Variants in ERMAP observed in about 807,000 individuals in gnomAD.
ERMAP encodes erythroid membrane-associated protein.
In ERMAP, 34 loss-of-function variants were observed where a neutral mutation model predicts 49.5. The ratio of observed to expected loss-of-function variants is 0.69; its 90% CI spans 0.52 to 0.91. The LOEUF (loss-of-function observed/expected upper bound fraction) is 0.91, where lower values mean the gene tolerates loss of function less well. Ranked by LOEUF, ERMAP falls within the 40% of genes least tolerant of loss-of-function variation. ERMAP has a pLI of 0.00. For missense variants in ERMAP, 541 were observed against 582.6 expected, an observed-to-expected ratio of 0.93 and a Z score of 0.74; for synonymous variants, 214 against 232.2, an observed-to-expected ratio of 0.92 and a Z score of 0.71.
Position 42,843,097 on chromosome 1 carries a change from T to A in ERMAP, c.1293T>A (p.His431Gln), listed in dbSNP as rs745596105. The A allele has an allele frequency of 2.0e-5, 32 of 1,614,220 alleles. No homozygotes were observed. Among genetic ancestry groups the A allele is most frequent in the Non-Finnish European group, 2.7e-5 (32 of 1,180,040 alleles). Residue 431 changes from histidine to glutamine, a missense_variant, in exon 12 of 12, where the codon CAT becomes CAA. By Grantham distance (24) the His-to-Gln change is conservative. Transcript: ENST00000372517. ...SIVPRPEGKGHANGDVSLKVN... is the reference protein window; with the variant it reads ...SIVPRPEGKGQANGDVSLKVN... ...TCCCCAGGCCAGAAGGGAAAGGCCA[T>A]GCTAATGGAGATGTGTCCCTCAAGG...
chr1:42,835,259 T>C (rs1460068188), intron 5 of ERMAP, 105 bp downstream of exon 5: 3 of 714,474 alleles, frequency 4.2e-6, no homozygotes, highest in South Asian at 3.2e-5. Flanking sequence ...TCTCCATAGG[T>C]TGGGGACACT....
At chr1:42,836,900 A>AT (rs916283827) in intron 6 of ERMAP, 11 of 297,462 alleles carry the variant, frequency 3.7e-5, no homozygotes, top group South Asian at 9.6e-5. Context: ...AGGGTGGCAG[A>AT]TTTAAAAAAA....
Position 42,842,543 on chromosome 1 carries a change from G to A in ERMAP, c.739G>A (p.Ala247Thr), listed in dbSNP as rs960117873. 2 of 1,613,846 alleles carry A rather than the reference G, an allele frequency of 1.2e-6. No homozygotes were observed. Among genetic ancestry groups the A allele is most frequent in the Admixed American group, 1.7e-5 (1 of 60,000 alleles). The change falls in exon 12 of 12, where the codon GCA becomes ACA. Residue 247 changes from alanine to threonine, a missense_variant. By Grantham distance (58) the Ala-to-Thr change is moderately conservative. Coordinates refer to ENST00000372517, the MANE Select transcript of ERMAP (RefSeq NM_001017922.2). ...FVAVTLDPDTAHPKLILSEDQ... is the reference protein window; with the variant it reads ...FVAVTLDPDTTHPKLILSEDQ... Reference sequence around the variant, plus strand: ...GGCAGTGACCCTGGACCCAGACACAGCACATCCCAAACTCATCCTTTCTGA... The same window carrying A: ...GGCAGTGACCCTGGACCCAGACACAACACATCCCAAACTCATCCTTTCTGA...
chr1:42,831,873 A>G (rs1375049414), intron 4 of ERMAP, among the ~76,000 whole-genome samples: 7 of 152,058 alleles, frequency 4.6e-5, no homozygotes, highest in African/African-American at 1.7e-4. Flanking sequence ...CACTGCACCC[A>G]GTTGAGAGTG....
intron 2 of ERMAP, 49 bp downstream of exon 2, chr1:42,825,787 A>G: frequency 7.8e-7 from 1 of 1,288,136 alleles, no homozygotes; most frequent in African/African-American, 1.5e-5. Flanking sequence ...TAACTTTCTC[A>G]GGATCCTCAG....
rs879558428 is a variant in ERMAP at position 42,844,955 on chromosome 1, A to G, written c.*1723A>G. On this transcript the variant is annotated 3_prime_UTR_variant, in exon 12 of 12. Transcript: ENST00000372517. This position sits in a 1 kb window ranked among gnomAD's most constrained non-coding sequence, Gnocchi z 4.0. ...AGTGGAATTTTTTGTTTGCTTTTGT[A>G]CAGTTTTAAAATAAAAGTTTGGTAT... 6.6e-6 allele frequency: 1 copy of G among 152,200 alleles called. No homozygotes were observed. The highest frequency in any genetic ancestry group is 1.5e-5 in the Non-Finnish European group (1 of 68,026). The allele number at this position is 152,200 out of a possible 1,614,324, so 9.4% of individuals were successfully genotyped here.
intron 2 of ERMAP, 162 bp downstream of exon 2, chr1:42,825,900 A>G (rs1654531597): frequency 3.6e-6 from 3 of 833,000 alleles, no homozygotes; most frequent in South Asian, 3.5e-5. Context: ...AAAAGGAGAC[A>G]AGTGACAAGA....
At chr1:42,822,364 A>G (rs1211071976) in intron 1 of ERMAP, among the ~76,000 whole-genome samples, 1 of 152,002 alleles carries the variant, frequency 6.6e-6, no homozygotes, top group African/African-American at 2.4e-5. Flanking sequence ...TTGTATTTTT[A>G]GTAGAGACAG....
chr1:42,834,342 G>A (rs755544331), intron 4 of ERMAP, among the ~76,000 whole-genome samples: 100 of 152,224 alleles, frequency 6.6e-4, no homozygotes, highest in Admixed American at 2.4e-3. Flanking sequence ...GCAGAGTGAG[G>A]ATTGACAGGG....
chr1:42,842,478 C>CT, intron 11 of ERMAP, 39 bp from the exon 12 acceptor site: 1 of 1,565,744 alleles, frequency 6.4e-7, no homozygotes, highest in Non-Finnish European at 8.7e-7. Context: ...CCCTTAAGAC[C>CT]TATACTTCCA....
chr1:42,818,214 G>A (rs144406833), intron 1 of ERMAP, among the ~76,000 whole-genome samples: 1 of 152,316 alleles, frequency 6.6e-6, no homozygotes, highest in African/African-American at 2.4e-5. Flanking sequence ...ACTGTAAATC[G>A]TTAACAGCCT....
Position 42,843,227 on chromosome 1 carries a change from T to C in ERMAP, c.1423T>C (p.Phe475Leu). 1 of 1,575,942 alleles carries C rather than the reference T, an allele frequency of 6.3e-7. No homozygotes were observed. Among genetic ancestry groups the C allele is most frequent in the Non-Finnish European group, 8.6e-7 (1 of 1,164,148 alleles). Reference protein sequence around the residue: ...PALQELKAPSF With the variant: ...PALQELKAPSL ...CCTTCAGGAGCTCAAGGCTCCTTCT[T>C]TTTAGGGATATGCCACATTACCTGC... The change falls in exon 12 of 12, where the codon TTT becomes CTT. Residue 475 changes from phenylalanine to leucine, a missense_variant. By Grantham distance (22) the Phe-to-Leu change is conservative. Transcript: ENST00000372517.
Position 42,819,761 on chromosome 1 carries a change from G to A in ERMAP, c.-122+2508G>A. ...GATGTGAACCAGGTCATTTACCAGT[G>A]TCTTTTTTTTTTTTCTTGGCAGCAT... On this transcript the variant is annotated intron_variant, in intron 1 of 11. Coordinates refer to ENST00000372517, the MANE Select transcript of ERMAP (RefSeq NM_001017922.2). This position sits in a 1 kb window ranked among gnomAD's most constrained non-coding sequence, Gnocchi z 5.1. Among the ~76,000 whole-genome samples, 1 of 150,444 alleles carries A rather than the reference G, an allele frequency of 6.6e-6. No homozygotes were observed. The highest frequency in any genetic ancestry group is 1.9e-4 in the East Asian group (1 of 5,176).
Position 42,843,084 on chromosome 1 carries a change from A to C in ERMAP, c.1280A>C (p.Glu427Ala), listed in dbSNP as rs1655114365. 1 of 1,614,126 alleles carries C rather than the reference A, an allele frequency of 6.2e-7. No individual in the cohort carries two copies. Among genetic ancestry groups the C allele is most frequent in the East Asian group, 2.2e-5 (1 of 44,902 alleles). The change falls in exon 12 of 12, where the codon GAA becomes GCA. Residue 427 changes from glutamate to alanine, a missense_variant. Physicochemically the swap from Glu to Ala is moderately radical, Grantham distance 107. Coordinates refer to ENST00000372517, the MANE Select transcript of ERMAP (RefSeq NM_001017922.2). ...KSEESIVPRP[E>A]GKGHANGDVS... ...GAGGAATCAATTGTCCCCAGGCCAG[A>C]AGGGAAAGGCCATGCTAATGGAGAT... is the stretch of plus-strand genomic sequence containing the variant.
chr1:42,825,576 C>G lies in ERMAP; in HGVS notation c.-121-47C>G, dbSNP rs566770995. The G allele has an allele frequency of 2.2e-4, 278 of 1,258,240 alleles. 1 individual carries two copies. In the African/African-American group the frequency reaches 3.9e-3, roughly 18 times the overall value. 77.9% of individuals were successfully genotyped at this position (1,258,240 alleles called of 1,614,324 possible). On this transcript the variant is annotated intron_variant, in intron 1 of 11. Coordinates refer to ENST00000372517, the MANE Select transcript of ERMAP (RefSeq NM_001017922.2). ...CTGTGGGGGCAGAGAGAGCCCTGGC[C>G]TCTCATATTTCATAAAATATGAACT...
chr1:42,832,179 ATTT>A (rs75673269), intron 4 of ERMAP, among the ~76,000 whole-genome samples: 274 of 96,716 alleles, frequency 2.8e-3, no homozygotes, highest in African/African-American at 0.012. Context: ...GTGAAAATTA[ATTT>A]TTTTTTTTTT....
chr1:42,839,428 T>C (rs1654994855), intron 8 of ERMAP: 1 of 167,574 alleles, frequency 6.0e-6, no homozygotes, highest in Non-Finnish European at 1.3e-5. Context: ...CCTGACAACA[T>C]GGTGAAACCC....
At chr1:42,825,942 T>C (rs1362031402) in intron 2 of ERMAP, among the ~76,000 whole-genome samples, 1 of 152,238 alleles carries the variant, frequency 6.6e-6, no homozygotes, top group Non-Finnish European at 1.5e-5. Context: ...AGTACTCTTA[T>C]TTAAGTAGTA....
Position 42,817,272 on chromosome 1 carries a change from C to G in ERMAP, c.-122+19C>G, listed in dbSNP as rs1299639162. The G allele has an allele frequency of 1.4e-4, 168 of 1,237,840 alleles. No homozygotes were observed. Among genetic ancestry groups the G allele is most frequent in the Non-Finnish European group, 1.6e-4 (156 of 961,610 alleles). The allele number at this position is 1,237,840 out of a possible 1,614,324, so 76.7% of individuals were successfully genotyped here. On this transcript the variant is annotated intron_variant, in intron 1 of 11. Transcript: ENST00000372517. ...CGGGAGGGTAATCCTCGCCTTCCCC[C>G]GACCACTGGACCCAGCGCTGCCTGC... is the stretch of plus-strand genomic sequence containing the variant.
Sources: gnomAD v4.1 joint callset for allele counts (sites outside exome capture counted in the v4.1 genomes callset) on GRCh38, gnomAD v4.1.1 for gene constraint, Gnocchi (gnomAD v3.1) non-coding constraint, MANE v1.5 for transcripts, NCBI Gene and HGNC (gene_info 2026-07-23, HGNC 2026-07-21) for gene names.